PIAS4: variants seen among roughly 807,000 people sequenced by gnomAD.
The protein encoded by PIAS4 is protein inhibitor of activated STAT 4, also known as E3 SUMO-protein ligase PIAS4.
Under a neutral mutation model 58.0 loss-of-function variants are expected in PIAS4, and 7 were observed. The observed-to-expected ratio is 0.12, with a 90% CI of 0.07 to 0.23. The LOEUF is 0.23. PIAS4 is among the 10% of genes least tolerant of loss of function. The pLI is 1.00. For synonymous variants in PIAS4, 364 were observed against 312.4 expected (o/e 1.17, Z -1.74); for missense variants, 550 against 709.5 (o/e 0.78, Z 2.55).
chr19:4,010,094 C>T (rs1421046683), intron 1 of PIAS4, among the ~76,000 whole-genome samples: 2 of 152,234 alleles, frequency 1.3e-5, no homozygotes, highest in Non-Finnish European at 2.9e-5. Flanking sequence ...GGGCCTGGCA[C>T]TGTTTATAAA....
At chr19:4,015,207 G>A (rs925716145) in intron 2 of PIAS4, among the ~76,000 whole-genome samples, 9 of 152,196 alleles carry the variant, frequency 5.9e-5, no homozygotes, top group Admixed American at 2.0e-4. Context: ...GGCTGTCTCT[G>A]AAGGTTGGGC....
At chr19:4,028,696 G>A (rs1296797534) in intron 5 of PIAS4, 24 bp from the exon 6 acceptor site, 1 of 1,604,368 alleles carries the variant, frequency 6.2e-7, no homozygotes. Flanking sequence ...TTGGCTCGAG[G>A]CTGAGCGGCC....
Position 4,037,965 on chromosome 19 carries a change from T to A in PIAS4, c.*90T>A. Reference sequence around the variant, plus strand: ...GCAGAGGGAGGAGTGACCTTTCTTTTTCTTTTTATTGTCGTTCGTTTTGTT... The same window carrying A: ...GCAGAGGGAGGAGTGACCTTTCTTTATCTTTTTATTGTCGTTCGTTTTGTT... On this transcript the variant is annotated 3_prime_UTR_variant, in exon 11 of 11. Transcript: ENST00000262971. The surrounding 1 kb of genome is among the most constrained non-coding windows in gnomAD (Gnocchi z 5.8). The A allele has an allele frequency of 7.3e-7, 1 of 1,365,132 alleles. No individual in the cohort carries two copies. Among genetic ancestry groups the A allele is most frequent in the Non-Finnish European group, 9.8e-7 (1 of 1,017,856 alleles). 84.6% of individuals were successfully genotyped at this position (1,365,132 alleles called of 1,614,324 possible). A position where few individuals can be genotyped will look rare whatever the true frequency, so the allele number is the denominator to read the frequency against.
intron 9 of PIAS4, among the ~76,000 whole-genome samples, chr19:4,036,792 A>G (rs866737742): frequency 2.2e-5 from 3 of 137,782 alleles, no homozygotes; most frequent in Admixed American, 6.9e-5. Context: ...ACACACATCT[A>G]TACAGTCCAC....
At chr19:4,020,065 T>G (rs1251557863) in intron 2 of PIAS4, among the ~76,000 whole-genome samples, 1 of 151,952 alleles carries the variant, frequency 6.6e-6, no homozygotes, top group Non-Finnish European at 1.5e-5. Flanking sequence ...CACAGGCGCC[T>G]GCCACCACGC....
intron 8 of PIAS4, 107 bp from the exon 9 acceptor site, chr19:4,033,313 G>A: frequency 7.5e-7 from 1 of 1,331,362 alleles, no homozygotes; most frequent in South Asian, 1.3e-5. Context: ...GTGTTCCTGA[G>A]GCATGAGTGA....
Position 4,037,234 on chromosome 19 carries a change from C to A in PIAS4, c.1143-140C>A, listed in dbSNP as rs1217113261. The A allele has an allele frequency of 9.1e-7, 1 of 1,104,276 alleles. No homozygotes were observed. Among genetic ancestry groups the A allele is most frequent in the Non-Finnish European group, 1.3e-6 (1 of 791,184 alleles). The allele number at this position is 1,104,276 out of a possible 1,614,324, so 68.4% of individuals were successfully genotyped here. ...GGGGAGGGAATGCGGGGTCCCTGGA[C>A]CCCTGCGGTCGGGGTGGTGAGGCTG... On this transcript the variant is annotated intron_variant, in intron 9 of 10. Transcript: ENST00000262971. The surrounding 1 kb of genome is among the most constrained non-coding windows in gnomAD (Gnocchi z 5.8).
Position 4,024,050 on chromosome 19 carries a change from G to A in PIAS4, c.469G>A (p.Glu157Lys), listed in dbSNP as rs746464624. ...KPTELVPQNN[E>K]KLQESPCIFA... ...TTTGTCTTCAGTCCCACAGAACAAC[G>A]AGAAGCTTCAGGAGAGCCCGTGCAT... Residue 157 changes from glutamate to lysine, a missense_variant, in exon 3 of 11, where the codon GAG becomes AAG. This residue lies in a region of PIAS4 where 225 missense variants were observed against 345.8 expected (regional missense o/e 0.65). Coordinates refer to ENST00000262971, the MANE Select transcript of PIAS4 (RefSeq NM_015897.4). 22 of 1,613,612 alleles carry A rather than the reference G, an allele frequency of 1.4e-5. No homozygotes were observed. Among genetic ancestry groups the A allele is most frequent in the Middle Eastern group, 1.6e-4 (1 of 6,082 alleles).
chr19:4,036,093 C>A (rs1344869218), intron 9 of PIAS4, among the ~76,000 whole-genome samples: 2 of 122,862 alleles, frequency 1.6e-5, no homozygotes, highest in Admixed American at 1.6e-4. Flanking sequence ...ACAGTCCACA[C>A]CGTCATACAA....
At position 4,024,091 on chromosome 19, in the gene PIAS4, A is replaced by G; in HGVS notation, c.510A>G (p.Pro170=). 2.5e-6 allele frequency: 4 copies of G among 1,613,978 alleles called. No homozygotes were observed. In the South Asian group the frequency reaches 4.4e-5, roughly 18 times the overall value. Residue 170 remains proline, a synonymous_variant, in exon 3 of 11, where the codon CCA becomes CCG. Transcript: ENST00000262971. ...QESPCIFALT[P]RQVELIRNSR... ...GCCCGTGCATCTTCGCATTGACGCC[A>G]AGACAGGTGGAGTTGATCCGGAACT...
intron 1 of PIAS4, 121 bp from the exon 2 acceptor site, chr19:4,012,802 A>G (rs2040009231): frequency 2.5e-5 from 28 of 1,121,272 alleles, no homozygotes; most frequent in Non-Finnish European, 3.5e-5. Flanking sequence ...GCCCCAGCCA[A>G]GGCTGGCGCT....
rs199991663 is a variant in PIAS4, at chr19:4,037,654, G to A, written c.1312G>A (p.Val438Ile). The change falls in exon 11 of 11, where the codon GTC becomes ATC. Residue 438 changes from valine to isoleucine, a missense_variant. Val to Ile is a conservative substitution (Grantham distance 29). This residue lies in a region of PIAS4 where 188 missense variants were observed against 192.0 expected (regional missense o/e 0.98). Transcript: ENST00000262971. This position sits in a 1 kb window ranked among gnomAD's most constrained non-coding sequence, Gnocchi z 5.8. ...CAATGGGCTCCTGCCCGCCCCCAGC[G>A]TCAACGGGAGCGGTGCCCTGGGCAG... Reference protein sequence around the residue: ...DANGLLPAPSVNGSGALGSTG... With the variant: ...DANGLLPAPSINGSGALGSTG... 137 of 1,611,936 alleles carry A rather than the reference G, an allele frequency of 8.5e-5. No individual in the cohort carries two copies. The East Asian group carries it at 2.1e-3, about 25-fold the overall frequency.
intron 9 of PIAS4, 130 bp downstream of exon 9, chr19:4,033,710 T>G: frequency 1.3e-6 from 1 of 771,894 alleles, no homozygotes; most frequent in South Asian, 1.9e-5. Flanking sequence ...TCCTGGAGCT[T>G]TGGAAACCCC....
At chr19:4,009,681 T>G (rs968983172) in intron 1 of PIAS4, among the ~76,000 whole-genome samples, 1 of 152,160 alleles carries the variant, frequency 6.6e-6, no homozygotes, top group African/African-American at 2.4e-5. Flanking sequence ...AGTCTGTTGC[T>G]ACCTCTCCAA....
intron 7 of PIAS4, among the ~76,000 whole-genome samples, chr19:4,031,558 T>C (rs541602843): frequency 6.6e-6 from 1 of 152,268 alleles, no homozygotes; most frequent in South Asian, 2.1e-4. Context: ...CTTCCCTGCC[T>C]GTGGGGACAT....
chr19:4,010,386 C>A (rs1021112005), intron 1 of PIAS4, among the ~76,000 whole-genome samples: 1 of 152,240 alleles, frequency 6.6e-6, no homozygotes, highest in African/African-American at 2.4e-5. Context: ...CACCTGCCTT[C>A]GGCCAGTCTG....
chr19:4,038,386 A>G lies in PIAS4; in HGVS notation c.*511A>G, dbSNP rs2040326599. The G allele has an allele frequency of 7.2e-6, 1 of 139,764 alleles. No individual in the cohort carries two copies. The highest frequency in any genetic ancestry group is 1.6e-5 in the Non-Finnish European group (1 of 64,496). The allele number at this position is 139,764 out of a possible 1,614,324, so 8.7% of individuals were successfully genotyped here. ...AATGCATCCTCGCCCAGAGACCCTC[A>G]CGCGCCGAGCAGCGAGCGTTTTAGC... is the stretch of plus-strand genomic sequence containing the variant. On this transcript the variant is annotated 3_prime_UTR_variant, in exon 11 of 11. Transcript: ENST00000262971. The surrounding 1 kb of genome is among the most constrained non-coding windows in gnomAD (Gnocchi z 4.1).
Position 4,028,982 on chromosome 19 carries a change from C to A in PIAS4, c.853C>A (p.Leu285Met), listed in dbSNP as rs1178634658. ...GCGGCAGCTGACCTCATCGGAGCTG[C>A]TGCAGAGGCTGAAGACCATTGGGGT... ...LVRQLTSSELLQRLKTIGVKH... is the reference protein window; with the variant it reads ...LVRQLTSSELMQRLKTIGVKH... The change falls in exon 7 of 11, where the codon CTG becomes ATG. Residue 285 changes from leucine to methionine, a missense_variant. By Grantham distance (15) the Leu-to-Met change is conservative. Around this residue, in one of 4 missense-constraint regions of PIAS4, gnomAD observed 225 missense variants for 345.8 expected, o/e 0.65. Coordinates refer to ENST00000262971, the MANE Select transcript of PIAS4 (RefSeq NM_015897.4). 6.2e-7 allele frequency: 1 copy of A among 1,611,034 alleles called. No individual in the cohort carries two copies. The highest frequency in any genetic ancestry group is 8.5e-7 in the Non-Finnish European group (1 of 1,179,204).
At position 4,033,087 on chromosome 19, in the gene PIAS4, T is replaced by G; in HGVS notation, c.908-13T>G. On this transcript the variant is annotated splice_polypyrimidine_tract_variant and intron_variant, in intron 7 of 10. Coordinates refer to ENST00000262971, the MANE Select transcript of PIAS4 (RefSeq NM_015897.4). ...CCACCCTCCTGACGGTGTCTTCCGT[T>G]CCCTCCCCACAGTCAAGGAGAAGCT... is the stretch of plus-strand genomic sequence containing the variant. The G allele has an allele frequency of 6.2e-7, 1 of 1,609,526 alleles. No homozygotes were observed.
Sources: allele counts gnomAD v4.1 joint callset (sites outside exome capture counted in the v4.1 genomes callset), GRCh38; gene constraint gnomAD v4.1.1; regional missense constraint gnomAD v4.1.1; non-coding constraint Gnocchi (gnomAD v3.1); transcripts MANE v1.5; gene names NCBI Gene and HGNC (gene_info 2026-07-23, HGNC 2026-07-21).